SGSM1: variants seen among roughly 807,000 people sequenced by gnomAD.
SGSM1 encodes the protein RUN and TBC1 domain containing 2.
SGSM1 carries 73 observed loss-of-function variants against 133.8 expected under a neutral mutation model. The observed-to-expected ratio is 0.55, with a 90% CI of 0.45 to 0.66. The LOEUF is 0.66. Ranked by LOEUF, SGSM1 falls within the 30% of genes least tolerant of loss-of-function variation. The probability of loss-of-function intolerance (pLI) is 0.00; values close to 1 mark genes in which losing one functional copy is unlikely to be tolerated. For missense variants in SGSM1, 1,213 were observed against 1,448.1 expected, an observed-to-expected ratio of 0.84 and a Z score of 2.64; for synonymous variants, 563 against 573.0, an observed-to-expected ratio of 0.98 and a Z score of 0.25.
At chr22:24,884,492 C>T (rs990969523) in intron 15 of SGSM1, among the ~76,000 whole-genome samples, 5 of 152,154 alleles carry the variant, frequency 3.3e-5, no homozygotes, top group Admixed American at 1.3e-4. Flanking sequence ...CACGGTGGCT[C>T]ACGCCTGTAA....
At chr22:24,838,751 C>G (rs1449109347) in intron 2 of SGSM1, among the ~76,000 whole-genome samples, 2 of 151,794 alleles carry the variant, frequency 1.3e-5, no homozygotes, top group Non-Finnish European at 2.9e-5. Context: ...AATGACAGTA[C>G]CACATTGTTT....
At chr22:24,913,556 A>T (rs1933711256) in intron 22 of SGSM1, among the ~76,000 whole-genome samples, 2 of 152,228 alleles carry the variant, frequency 1.3e-5, no homozygotes, top group African/African-American at 4.8e-5. Flanking sequence ...TAACTTGAGT[A>T]AATATTATGG....
rs368363274 is a variant in SGSM1 at position 24,859,250 on chromosome 22, C to T, written c.802-466C>T. On this transcript the variant is annotated intron_variant, in intron 8 of 24. Transcript: ENST00000400358. Reference sequence around the variant, plus strand: ...GGGAGAAAAGGGACCGGCTACTGGGCGGGGAGTGTAGGGGGGGTTTTTGGG... The same window carrying T: ...GGGAGAAAAGGGACCGGCTACTGGGTGGGGAGTGTAGGGGGGGTTTTTGGG... 2.2e-4 allele frequency among the ~76,000 whole-genome samples: 34 copies of T among 151,944 alleles called. No homozygotes were observed. In the East Asian group the frequency reaches 4.7e-3, roughly 21 times the overall value.
intron 24 of SGSM1, among the ~76,000 whole-genome samples, chr22:24,921,335 G>A (rs1015491774): frequency 2.0e-5 from 3 of 152,130 alleles, no homozygotes; most frequent in African/African-American, 7.2e-5. Flanking sequence ...CCTGACCTCA[G>A]GCGATCCGTC....
At chr22:24,905,008 G>A (rs1448899325) in intron 20 of SGSM1, 97 bp from the exon 21 acceptor site, 12 of 954,412 alleles carry the variant, frequency 1.3e-5, no homozygotes, top group Non-Finnish European at 2.1e-5. Flanking sequence ...AGGGGTCCAG[G>A]TGAGGGATTG....
chr22:24,845,940 C>CG (rs1569144577), intron 3 of SGSM1, among the ~76,000 whole-genome samples: 1 of 130,718 alleles, frequency 7.7e-6, no homozygotes, highest in Admixed American at 7.6e-5. Flanking sequence ...CTTTTCTTTT[C>CG]TTTTCTTTCT....
At chr22:24,836,243 G>A (rs1012946926) in intron 2 of SGSM1, among the ~76,000 whole-genome samples, 2 of 152,122 alleles carry the variant, frequency 1.3e-5, no homozygotes, top group Non-Finnish European at 2.9e-5. Flanking sequence ...TTAGCACAGC[G>A]TCCTCAAGGT....
rs186649632 is a variant in SGSM1, at chr22:24,812,026, C to T, written c.63+5542C>T. ...CTCTACAAAAAATACAAAAATTAGC[C>T]GGGTGTGGTAGCATGCGCCTGTAAT... On this transcript the variant is annotated intron_variant, in intron 2 of 24. Transcript: ENST00000400358. Among the ~76,000 whole-genome samples, 243 of 151,700 alleles carry T rather than the reference C, an allele frequency of 1.6e-3. 2 individuals are homozygous for T. The highest frequency in any genetic ancestry group is 4.7e-3 in the African/African-American group (193 of 41,334).
At chr22:24,826,028 T>A (rs1377800422) in intron 2 of SGSM1, among the ~76,000 whole-genome samples, 1 of 152,216 alleles carries the variant, frequency 6.6e-6, no homozygotes, top group East Asian at 1.9e-4. Context: ...TGCTGGGTGC[T>A]TTAAACCAGG....
chr22:24,913,037 CAG>C (rs1217052620), intron 22 of SGSM1, among the ~76,000 whole-genome samples: 1 of 152,072 alleles, frequency 6.6e-6, no homozygotes, highest in Non-Finnish European at 1.5e-5. Context: ...CAGTGCCTCT[CAG>C]AGCATAGTCC....
At chr22:24,830,529 A>G (rs1929056714) in intron 2 of SGSM1, among the ~76,000 whole-genome samples, 1 of 152,190 alleles carries the variant, frequency 6.6e-6, no homozygotes. Context: ...CAAACCCAGT[A>G]CGTTAAGGCA....
rs1371412354 is a variant in SGSM1, at chr22:24,861,241, T to A, written c.926+1401T>A. On this transcript the variant is annotated intron_variant, in intron 9 of 24. Transcript: ENST00000400358. ...GGTGGCGGGCACCTGTAATCCCAGC[T>A]ACTCAGGAGGCTGAGGCAGAGAATT... is the stretch of plus-strand genomic sequence containing the variant. Among the ~76,000 whole-genome samples, 5 of 149,440 alleles carry A rather than the reference T, an allele frequency of 3.3e-5. No individual in the cohort carries two copies. In the South Asian group the frequency reaches 1.1e-3, roughly 32 times the overall value.
intron 12 of SGSM1, among the ~76,000 whole-genome samples, chr22:24,870,013 T>G (rs1053019500): frequency 1.3e-5 from 2 of 152,242 alleles, no homozygotes; most frequent in Admixed American, 1.3e-4. Context: ...GCGGCCCTCA[T>G]GTTCCCATCC....
chr22:24,878,306 C>A (rs1932134646), intron 13 of SGSM1, among the ~76,000 whole-genome samples: 1 of 152,144 alleles, frequency 6.6e-6, no homozygotes, highest in African/African-American at 2.4e-5. Context: ...CCCATTGCCC[C>A]CTCTCCTGTT....
In SGSM1 at chr22:24,898,293, C is replaced by T. The variant is rs140228231; in HGVS notation, c.2344C>T (p.Leu782=). The stretch of plus-strand genomic sequence containing the variant: ...GGAGGAGCTGGCCGTGCAGGACAGC[C>T]TGGAGAGTGACCTCCTGGCCAACGA... The part of the protein sequence containing the change: ...PREELAVQDS[L]ESDLLANESM... The change falls in exon 19 of 25, where the codon CTG becomes TTG. Residue 782 remains leucine, a synonymous_variant. Coordinates refer to ENST00000400358, the MANE Select transcript of SGSM1 (RefSeq NM_001098497.3). The T allele has an allele frequency of 1.2e-5, 19 of 1,613,936 alleles. No individual in the cohort carries two copies. Among genetic ancestry groups the T allele is most frequent in the Non-Finnish European group, 1.6e-5 (19 of 1,179,878 alleles).
At chr22:24,842,780 T>C (rs1929879986) in intron 2 of SGSM1, among the ~76,000 whole-genome samples, 1 of 152,240 alleles carries the variant, frequency 6.6e-6, no homozygotes, top group South Asian at 2.1e-4. Context: ...CAGGCAGAGC[T>C]GATGACCTGC....
intron 14 of SGSM1, 89 bp from the exon 15 acceptor site, chr22:24,883,964 G>A (rs1289223372): frequency 7.0e-7 from 1 of 1,419,594 alleles, no homozygotes; most frequent in Non-Finnish European, 9.3e-7. Context: ...TAAAAAATTT[G>A]AGGTGGGACA....
At chr22:24,917,558 G>A (rs551113589) in intron 22 of SGSM1, 100 bp from the exon 23 acceptor site, 100 of 740,984 alleles carry the variant, frequency 1.3e-4, no homozygotes, top group African/African-American at 7.2e-4. Flanking sequence ...GTTAAGGACC[G>A]TATGGTGTCT....
chr22:24,902,269 A>G (rs549980853), intron 20 of SGSM1, among the ~76,000 whole-genome samples: 2 of 152,342 alleles, frequency 1.3e-5, no homozygotes, highest in Admixed American at 6.5e-5. Context: ...CTGAGTGGGC[A>G]TCGGGCAGTG....
Sources: gnomAD v4.1 joint callset for allele counts (sites outside exome capture counted in the v4.1 genomes callset) on GRCh38, gnomAD v4.1.1 for gene constraint, MANE v1.5 for transcripts, NCBI Gene and HGNC (gene_info 2026-07-23, HGNC 2026-07-21) for gene names.